Variants in ERICH1 observed in about 807,000 individuals in gnomAD.
ERICH1 encodes glutamate-rich protein 1.
ERICH1 carries 56 observed loss-of-function variants against 39.6 expected under a neutral mutation model. That is an observed-to-expected ratio of 1.41 (90% CI 1.14 to 1.77). The LOEUF is 1.77. ERICH1 is among the 40% of genes most tolerant of loss of function. The pLI, the probability that ERICH1 is intolerant of heterozygous loss-of-function variation, is 0.00. For synonymous variants in ERICH1, 313 were observed against 223.6 expected (o/e 1.40, Z -3.57); for missense variants, 826 against 575.4 (o/e 1.44, Z -4.45).
At position 673,439 on chromosome 8, in the gene ERICH1, CT is replaced by C; in HGVS notation, c.912del (p.Asp305ThrfsTer37). ...REEDGADASEEDPTWAGEEEG... is the reference protein window; with the variant it reads ...REEDGADASEXDPTWAGEEEG... ...TCTTCCTCCCCAGCCCATGTCGGGT[CT>C]TCCTCGCTGGCGTCCGCACCGTCCT... On this transcript the variant is annotated frameshift_variant, in exon 4 of 6. Coordinates refer to ENST00000262109, the MANE Select transcript of ERICH1 (RefSeq NM_207332.3). LOFTEE classifies it high-confidence loss of function. 6.2e-7 allele frequency: 1 copy of C among 1,614,074 alleles called. No homozygotes were observed. Among genetic ancestry groups the C allele is most frequent in the African/African-American group, 1.3e-5 (1 of 75,044 alleles).
At chr8:636,316 C>T (rs937911527) in intron 3 of ERICH1, among the ~76,000 whole-genome samples, 1 of 152,234 alleles carries the variant, frequency 6.6e-6, no homozygotes, top group Non-Finnish European at 1.5e-5. Flanking sequence ...GGTGCAGCCA[C>T]AACCAGGGAG....
At chr8:728,609 C>T (rs1819335979) in intron 1 of ERICH1, among the ~76,000 whole-genome samples, 1 of 152,178 alleles carries the variant, frequency 6.6e-6, no homozygotes, top group South Asian at 2.1e-4. Flanking sequence ...AGATATTCAC[C>T]CAATCTCCCT....
At chr8:724,719 C>G (rs369385860) in intron 1 of ERICH1, among the ~76,000 whole-genome samples, 1 of 152,200 alleles carries the variant, frequency 6.6e-6, no homozygotes, top group African/African-American at 2.4e-5. Flanking sequence ...TAAACATTGG[C>G]TTTTTCCTTA....
At chr8:691,672 C>T (rs1048503369) in intron 3 of ERICH1, among the ~76,000 whole-genome samples, 1 of 152,192 alleles carries the variant, frequency 6.6e-6, no homozygotes, top group African/African-American at 2.4e-5. Flanking sequence ...ATCCATTATT[C>T]CTTAGTTATC....
At position 668,768 on chromosome 8, in the gene ERICH1, G is replaced by C. The variant is rs1262273153; in HGVS notation, c.1088C>G (p.Ala363Gly). 5 of 1,610,932 alleles carry C rather than the reference G, an allele frequency of 3.1e-6. No individual in the cohort carries two copies. The East Asian group carries it at 1.1e-4, about 36-fold the overall frequency. ...YDGVSRDAASAALADAAEELL... is the reference protein window; with the variant it reads ...YDGVSRDAASGALADAAEELL... ...CTCCTCAGCGGCATCTGCGAGGGCA[G>C]CTGAAGCTGCATCTCTGGAGACACC... The change falls in exon 5 of 6, where the codon GCT (alanine) becomes GGT (glycine). Residue 363 changes from alanine to glycine, a missense_variant. Physicochemically the swap from Ala to Gly is moderately conservative, Grantham distance 60 (BLOSUM62 0). Transcript: ENST00000262109.
chr8:638,545 C>T (rs1798639183), intron 3 of ERICH1, among the ~76,000 whole-genome samples: 1 of 152,206 alleles, frequency 6.6e-6, no homozygotes, highest in East Asian at 1.9e-4. Flanking sequence ...ACGGAGGTGG[C>T]GTCCACTGAG....
intron 1 of ERICH1, among the ~76,000 whole-genome samples, chr8:716,985 A>G (rs969453491): frequency 2.6e-5 from 4 of 152,208 alleles, no homozygotes; most frequent in African/African-American, 9.6e-5. Flanking sequence ...TAAGAACACT[A>G]TGTGGGTTTC....
At chr8:698,833 C>G (rs1170019026) in intron 2 of ERICH1, among the ~76,000 whole-genome samples, 2 of 151,364 alleles carry the variant, frequency 1.3e-5, no homozygotes, top group East Asian at 3.9e-4. Context: ...AACCAGGGCT[C>G]ACGGTGCACC....
chr8:722,499 T>C (rs1173497025), intron 1 of ERICH1, among the ~76,000 whole-genome samples: 1 of 152,222 alleles, frequency 6.6e-6, no homozygotes, highest in African/African-American at 2.4e-5. Flanking sequence ...TAAAGTGTTC[T>C]ATGGAAATTA....
intron 5 of ERICH1, chr8:667,289 C>G (rs1039186587): frequency 6.5e-6 from 1 of 152,932 alleles, no homozygotes; most frequent in African/African-American, 2.4e-5. Context: ...CCTGTCACCT[C>G]TTCACCTTCT....
chr8:625,067 C>A (rs1797526314), intron 3 of ERICH1, among the ~76,000 whole-genome samples: 1 of 152,164 alleles, frequency 6.6e-6, no homozygotes, highest in Non-Finnish European at 1.5e-5. Context: ...AACTCACTGC[C>A]ACAAGAACAG....
chr8:629,886 T>C (rs868160072), intron 3 of ERICH1, among the ~76,000 whole-genome samples: 78 of 88,092 alleles, frequency 8.9e-4, no homozygotes, highest in South Asian at 3.4e-3. Flanking sequence ...CACACCCTCC[T>C]GTGAGCACCC....
At chr8:663,522 G>GGGACAGGCGGGACAGGCA (rs1290660091), downstream of ERICH1, among the ~76,000 whole-genome samples, 1 of 149,918 alleles carries the variant, frequency 6.7e-6, no homozygotes, top group Non-Finnish European at 1.5e-5. Flanking sequence ...GCTCACAGGC[G>GGGACAGGCGGGACAGGCA]GGACAGGCGG....
intron 1 of ERICH1, among the ~76,000 whole-genome samples, chr8:724,396 G>C (rs1022092745): frequency 2.0e-5 from 3 of 152,148 alleles, no homozygotes; most frequent in South Asian, 2.1e-4. Context: ...AGCATTTGTC[G>C]TATCACGAAG....
intron 2 of ERICH1, among the ~76,000 whole-genome samples, chr8:713,615 C>G (rs1815264593): frequency 6.6e-6 from 1 of 152,084 alleles, no homozygotes; most frequent in African/African-American, 2.4e-5. Context: ...CTGAGCCGGC[C>G]TGGAAATGGA....
downstream of ERICH1, among the ~76,000 whole-genome samples, chr8:660,331 G>A (rs1801234795): frequency 6.6e-6 from 1 of 152,224 alleles, no homozygotes. Flanking sequence ...CAGGCCTGAT[G>A]GAGTCAAATG....
At chr8:633,144 G>A (rs553675961) in intron 3 of ERICH1, among the ~76,000 whole-genome samples, 48 of 151,814 alleles carry the variant, frequency 3.2e-4, no homozygotes, top group African/African-American at 1.1e-3. Context: ...CAGGACAGAC[G>A]GAAACCAGTG....
chr8:668,256 G>C, intron 5 of ERICH1: 1 of 336,600 alleles, frequency 3.0e-6, no homozygotes, highest in South Asian at 2.9e-5. Flanking sequence ...TTGGAGGTAA[G>C]CAAAAATTTA....
At chr8:642,456 T>C (rs2117236876) in intron 3 of ERICH1, among the ~76,000 whole-genome samples, 1 of 147,680 alleles carries the variant, frequency 6.8e-6, no homozygotes, top group African/African-American at 2.5e-5. Flanking sequence ...GCCATTCTCC[T>C]GCCTCAGCCT....
Sources: gnomAD v4.1 joint callset for allele counts (sites outside exome capture counted in the v4.1 genomes callset) on GRCh38, gnomAD v4.1.1 for gene constraint, MANE v1.5 for transcripts, NCBI Gene and HGNC (gene_info 2026-07-23, HGNC 2026-07-21) for gene names.